The following SARNP variants were observed in gnomAD, a reference collection of about 807,000 sequenced individuals.
The protein encoded by SARNP is SAP domain-containing ribonucleoprotein.
In SARNP, 5 loss-of-function variants were observed where a neutral mutation model predicts 38.1. The ratio of observed to expected loss-of-function variants is 0.13; its 90% CI spans 0.07 to 0.28. The LOEUF (loss-of-function observed/expected upper bound fraction) is 0.28. Among genes scored for constraint, SARNP ranks in the 10% least tolerant of loss-of-function variants. SARNP has a pLI of 1.00. For synonymous variants in SARNP, 84 were observed against 80.6 expected (o/e 1.04, Z -0.23); for missense variants, 180 against 243.9 (o/e 0.74, Z 1.75).
At chr12:55,788,970 G>A in intron 9 of SARNP, 105 bp downstream of exon 9, 1 of 750,082 alleles carries the variant, frequency 1.3e-6, no homozygotes, top group Non-Finnish European at 2.3e-6. Flanking sequence ...GAAATGAAAT[G>A]CTTTGTAGCC....
intron 1 of SARNP, among the ~76,000 whole-genome samples, chr12:55,816,941 T>C (rs1463122003): frequency 6.6e-6 from 1 of 152,086 alleles, no homozygotes; most frequent in African/African-American, 2.4e-5. Flanking sequence ...AACCTTGGAA[T>C]TGTTTTTCCC....
At chr12:55,814,684 C>T (rs1475020729) in intron 1 of SARNP, among the ~76,000 whole-genome samples, 1 of 152,092 alleles carries the variant, frequency 6.6e-6, no homozygotes, top group African/African-American at 2.4e-5. Flanking sequence ...GGACCAATAA[C>T]ATGGTGAAAC....
chr12:55,797,796 A>G (rs1056759605), intron 4 of SARNP, among the ~76,000 whole-genome samples: 1 of 152,198 alleles, frequency 6.6e-6, no homozygotes, highest in Non-Finnish European at 1.5e-5. Context: ...CTACCCAATC[A>G]CATAAACAAC....
At chr12:55,753,799 A>C (rs1418148183), downstream of SARNP, 2 of 149,234 alleles carry the variant, frequency 1.3e-5, no homozygotes, top group Non-Finnish European at 3.0e-5. Context: ...AAAAAAAGGA[A>C]AGCAGGACCC....
chr12:55,789,169 T>TA (rs1879591925), intron 8 of SARNP, 26 bp from the exon 9 acceptor site: 3 of 1,519,356 alleles, frequency 2.0e-6, no homozygotes, highest in Non-Finnish European at 2.7e-6. Context: ...GGAAAGAACA[T>TA]AGTTTTAAAA....
At chr12:55,797,022 G>A (rs934127586) in intron 4 of SARNP, among the ~76,000 whole-genome samples, 5 of 152,100 alleles carry the variant, frequency 3.3e-5, no homozygotes, top group Admixed American at 6.6e-5. Flanking sequence ...AAGTACCCAC[G>A]ATAAATGGAA....
At chr12:55,787,711 C>G (rs1293366014) in intron 9 of SARNP, among the ~76,000 whole-genome samples, 1 of 151,814 alleles carries the variant, frequency 6.6e-6, no homozygotes, top group Non-Finnish European at 1.5e-5. Flanking sequence ...GCTGGGATTA[C>G]AGGCACGGTG....
intron 1 of SARNP, among the ~76,000 whole-genome samples, chr12:55,807,646 C>CAAAAA (rs768134544): frequency 1.3e-5 from 1 of 75,406 alleles, no homozygotes; most frequent in Non-Finnish European, 3.0e-5. Flanking sequence ...ACTAAAAATA[C>CAAAAA]AAAAAAAAAA....
At chr12:55,758,299 C>G (rs1878575505) in intron 10 of SARNP, among the ~76,000 whole-genome samples, 1 of 152,168 alleles carries the variant, frequency 6.6e-6, no homozygotes, top group East Asian at 1.9e-4. Context: ...TGATCTGACT[C>G]TAAAATTTTC....
intron 9 of SARNP, among the ~76,000 whole-genome samples, chr12:55,778,635 A>C (rs1879254471): frequency 6.6e-6 from 1 of 152,148 alleles, no homozygotes; most frequent in African/African-American, 2.4e-5. Flanking sequence ...TATGAATGAA[A>C]AGGGAATGTA....
At chr12:55,807,506 T>C (rs111837872) in intron 1 of SARNP, among the ~76,000 whole-genome samples, 1 of 151,756 alleles carries the variant, frequency 6.6e-6, no homozygotes, top group Non-Finnish European at 1.5e-5. Context: ...GCCATCTCTA[T>C]TAAAAAAAAT....
intron 7 of SARNP, among the ~76,000 whole-genome samples, chr12:55,792,170 A>G (rs1243592273): frequency 2.6e-5 from 4 of 152,162 alleles, no homozygotes; most frequent in Admixed American, 1.3e-4. Context: ...TGCAACTAAG[A>G]GCCAGAAAAA....
At chr12:55,789,014 T>G in intron 9 of SARNP, 61 bp downstream of exon 9, 1 of 1,100,658 alleles carries the variant, frequency 9.1e-7, no homozygotes, top group Admixed American at 2.0e-5. Context: ...TTCCAGCCTA[T>G]GTAGTTCCCA....
rs1880345417 is a variant in SARNP at position 55,812,128 on chromosome 12, CCTT to C, written c.36+5535_36+5537del. ...GCAGCTTTGCCCTCCCCTACCATTA[CCTT>C]ATTACCATTGCTCACTCTGATAAGC... is the stretch of plus-strand genomic sequence containing the variant. On this transcript the variant is annotated intron_variant, in intron 1 of 10. Transcript: ENST00000336133. 2.6e-5 allele frequency among the ~76,000 whole-genome samples: 4 copies of C among 152,176 alleles called. No individual in the cohort carries two copies. In the South Asian group the frequency reaches 8.3e-4, roughly 31 times the overall value.
At chr12:55,787,560 C>G (rs947459804) in intron 9 of SARNP, among the ~76,000 whole-genome samples, 1 of 152,050 alleles carries the variant, frequency 6.6e-6, no homozygotes, top group South Asian at 2.1e-4. Context: ...CCTCAGCCCC[C>G]CAAGTAGCTG....
chr12:55,813,330 A>C (rs1015479343), intron 1 of SARNP, among the ~76,000 whole-genome samples: 2 of 152,178 alleles, frequency 1.3e-5, no homozygotes, highest in Non-Finnish European at 2.9e-5. Flanking sequence ...GAACATAGAA[A>C]GCTTCCTTGG....
At chr12:55,757,669 G>GCC in intron 10 of SARNP, 116 bp from the exon 11 acceptor site, 1 of 668,292 alleles carries the variant, frequency 1.5e-6, no homozygotes, top group Non-Finnish European at 2.5e-6. Context: ...AGGAAGGATG[G>GCC]CCCAGACTTG....
intron 9 of SARNP, among the ~76,000 whole-genome samples, chr12:55,776,217 C>T (rs1879176271): frequency 6.6e-6 from 1 of 152,182 alleles, no homozygotes; most frequent in African/African-American, 2.4e-5. Context: ...GGCAAGAGGA[C>T]TCCTTGAGCC....
At chr12:55,780,732 A>C (rs1007833864) in intron 9 of SARNP, among the ~76,000 whole-genome samples, 3 of 152,202 alleles carry the variant, frequency 2.0e-5, no homozygotes, top group Non-Finnish European at 4.4e-5. Context: ...GGCCAATATT[A>C]AGTAAAATAA....
Sources: gnomAD v4.1 joint callset for allele counts (sites outside exome capture counted in the v4.1 genomes callset) on GRCh38, gnomAD v4.1.1 for gene constraint, MANE v1.5 for transcripts, NCBI Gene and HGNC (gene_info 2026-07-23, HGNC 2026-07-21) for gene names.